Variants in DNAJC24 observed in about 807,000 individuals in gnomAD.
DNAJC24 encodes dnaJ homolog subfamily C member 24.
Under a neutral mutation model 18.0 loss-of-function variants are expected in DNAJC24, and 17 were observed. That is an observed-to-expected ratio of 0.94 (90% confidence interval 0.65 to 1.42). The LOEUF (loss-of-function observed/expected upper bound fraction) is 1.42. DNAJC24 is among the 40% of genes most tolerant of loss of function. The probability of loss-of-function intolerance (pLI) is 0.00; values close to 1 mark genes in which losing one functional copy is unlikely to be tolerated. For synonymous variants in DNAJC24, 55 were observed against 57.7 expected, an observed-to-expected ratio of 0.95 and a Z score of 0.21; for missense variants, 158 against 175.6, an observed-to-expected ratio of 0.90 and a Z score of 0.57.
intron 2 of DNAJC24, among the ~76,000 whole-genome samples, chr11:31,387,077 A>G (rs1476253201): frequency 6.6e-6 from 1 of 152,196 alleles, no homozygotes; most frequent in Non-Finnish European, 1.5e-5. Context: ...CAGCTCAGCT[A>G]CAGTACAATA....
At chr11:31,391,695 G>T (rs925187288) in intron 2 of DNAJC24, among the ~76,000 whole-genome samples, 5 of 152,114 alleles carry the variant, frequency 3.3e-5, no homozygotes, top group Non-Finnish European at 7.4e-5. Context: ...ACAGTTTGGA[G>T]GTTCCTCAAA....
At chr11:31,413,370 G>A (rs181030156) in intron 2 of DNAJC24, among the ~76,000 whole-genome samples, 1,340 of 125,338 alleles carry the variant, frequency 0.011, 9 homozygotes, top group Middle Eastern at 0.045. Context: ...TTGCTCTGTC[G>A]CCCAGGCTGG....
chr11:31,380,933 AAG>A (rs1229449064), intron 2 of DNAJC24, among the ~76,000 whole-genome samples: 1 of 152,122 alleles, frequency 6.6e-6, no homozygotes, highest in African/African-American at 2.4e-5. Flanking sequence ...AAGATTTTTA[AAG>A]AGAGATTAAT....
chr11:31,416,654 G>C (rs1952753790), intron 3 of DNAJC24: 1 of 152,072 alleles, frequency 6.6e-6, no homozygotes, highest in African/African-American at 2.4e-5. Flanking sequence ...TATTAGTGAA[G>C]TTGACTAGAA....
rs7111059 is a variant in DNAJC24, at chr11:31,397,731, A to G, written c.112-17080A>G. Among the ~76,000 whole-genome samples, 1,050 of 152,154 alleles carry G rather than the reference A, an allele frequency of 6.9e-3. 10 individuals are homozygous for G. The highest frequency in any genetic ancestry group is 0.011 in the Non-Finnish European group (752 of 67,998). On this transcript the variant is annotated intron_variant, in intron 2 of 4. Transcript: ENST00000465995. ...CGGTCTTAACAGCATTTCCTCACCA[A>G]CTGTTTAACAGCTGCTTCAAAATAA...
chr11:31,371,912 C>T (rs1952267778), intron 2 of DNAJC24, among the ~76,000 whole-genome samples: 1 of 149,640 alleles, frequency 6.7e-6, no homozygotes, highest in South Asian at 2.1e-4. Flanking sequence ...CAACCTCCGC[C>T]TCCCACTTTC....
chr11:31,409,334 C>T (rs1031968688), intron 2 of DNAJC24, among the ~76,000 whole-genome samples: 1 of 152,122 alleles, frequency 6.6e-6, no homozygotes, highest in Non-Finnish European at 1.5e-5. Flanking sequence ...CATGTAAATA[C>T]CACCCCAAAT....
At chr11:31,394,204 A>G (rs1487987976) in intron 2 of DNAJC24, among the ~76,000 whole-genome samples, 1 of 152,208 alleles carries the variant, frequency 6.6e-6, no homozygotes, top group Non-Finnish European at 1.5e-5. Flanking sequence ...CAAAATTGCC[A>G]ACAAAAAGTA....
intron 2 of DNAJC24, among the ~76,000 whole-genome samples, chr11:31,403,389 G>A (rs566586495): frequency 3.3e-5 from 5 of 152,172 alleles, no homozygotes; most frequent in African/African-American, 1.2e-4. Context: ...TTAAAGGTAG[G>A]GAAACAGAGG....
At chr11:31,406,681 CTT>C (rs1952661093) in intron 2 of DNAJC24, among the ~76,000 whole-genome samples, 6 of 152,106 alleles carry the variant, frequency 3.9e-5, no homozygotes, top group Admixed American at 2.6e-4. Context: ...TGTTGAGTGA[CTT>C]TGAAGCAGGT....
chr11:31,403,721 G>C (rs374911361), intron 2 of DNAJC24, among the ~76,000 whole-genome samples: 20 of 152,278 alleles, frequency 1.3e-4, no homozygotes, highest in African/African-American at 3.9e-4. Context: ...TGGTGGTCCA[G>C]GTTTCTGAAA....
intron 3 of DNAJC24, among the ~76,000 whole-genome samples, chr11:31,422,447 A>G (rs552892731): frequency 2.6e-5 from 4 of 152,190 alleles, no homozygotes; most frequent in Non-Finnish European, 5.9e-5. Context: ...CTACCATTCT[A>G]TGTCAAAAAT....
intron 2 of DNAJC24, among the ~76,000 whole-genome samples, chr11:31,406,032 C>G (rs982524115): frequency 2.0e-5 from 3 of 152,162 alleles, no homozygotes; most frequent in African/African-American, 7.2e-5. Context: ...AGTACTGTCA[C>G]AATGACAATG....
At chr11:31,425,960 A>T (rs1406047787) in intron 3 of DNAJC24, among the ~76,000 whole-genome samples, 1 of 152,188 alleles carries the variant, frequency 6.6e-6, no homozygotes, top group African/African-American at 2.4e-5. Flanking sequence ...CAAACAAAAA[A>T]CATTTCCCTA....
chr11:31,412,431 A>G (rs1952718126), intron 2 of DNAJC24, among the ~76,000 whole-genome samples: 1 of 152,200 alleles, frequency 6.6e-6, no homozygotes, highest in Admixed American at 6.5e-5. Flanking sequence ...GCATATTTGA[A>G]TATGTTACAT....
Position 31,426,250 on chromosome 11 carries a change from T to C in DNAJC24, c.251-37T>C, listed in dbSNP as rs771265032. ...CTTCAAGGTTACAATTAAAGTATCATGTTTTACAATTAAGTGTCATGTTTT... is the reference window on the plus strand; with the variant it reads ...CTTCAAGGTTACAATTAAAGTATCACGTTTTACAATTAAGTGTCATGTTTT... On this transcript the variant is annotated intron_variant, in intron 3 of 4. Transcript: ENST00000465995. The C allele has an allele frequency of 3.1e-6, 4 of 1,298,068 alleles. No homozygotes were observed. The African/African-American group carries it at 4.5e-5, about 15-fold the overall frequency. The allele number at this position is 1,298,068 out of a possible 1,614,324, so 80.4% of individuals were successfully genotyped here. A position where few individuals can be genotyped will look rare whatever the true frequency, so the allele number is the denominator to read the frequency against.
At chr11:31,412,250 A>G (rs2133495685) in intron 2 of DNAJC24, among the ~76,000 whole-genome samples, 1 of 152,170 alleles carries the variant, frequency 6.6e-6, no homozygotes, top group Middle Eastern at 3.4e-3. Context: ...AACCTCTTCT[A>G]TTCATTGTAC....
At chr11:31,405,379 T>TC (rs1268479236) in intron 2 of DNAJC24, among the ~76,000 whole-genome samples, 1 of 151,608 alleles carries the variant, frequency 6.6e-6, no homozygotes, top group African/African-American at 2.4e-5. Flanking sequence ...CAGGAATTTT[T>TC]TTTTTTTTTT....
At position 31,402,088 on chromosome 11, in the gene DNAJC24, C is replaced by T. The variant is rs531028049; in HGVS notation, c.112-12723C>T. ...GTGAGAACATCACAGAGTGCACTTA[C>T]GTAAGCCATCCATATATAGACGGTG... On this transcript the variant is annotated intron_variant, in intron 2 of 4. Coordinates refer to ENST00000465995, the MANE Select transcript of DNAJC24 (RefSeq NM_181706.5). Among the ~76,000 whole-genome samples, 8 of 152,286 alleles carry T rather than the reference C, an allele frequency of 5.3e-5. No individual in the cohort carries two copies. In the East Asian group the frequency reaches 7.7e-4, roughly 15 times the overall value.
Sources: allele counts gnomAD v4.1 joint callset (sites outside exome capture counted in the v4.1 genomes callset), GRCh38; gene constraint gnomAD v4.1.1; transcripts MANE v1.5; gene names NCBI Gene and HGNC (gene_info 2026-07-23, HGNC 2026-07-21).